The following PGBD1 variants were observed in gnomAD, a reference collection of about 807,000 sequenced individuals.
PGBD1 encodes the protein piggyBac transposable element derived 1.
A neutral mutation model predicts 34.7 loss-of-function variants in PGBD1; 25 were observed. That is an observed-to-expected ratio of 0.72 (90% CI 0.52 to 1.00). The LOEUF is 1.00. Among genes scored for constraint, PGBD1 ranks in the 50% least tolerant of loss-of-function variants. The probability of loss-of-function intolerance (pLI) is 0.00; values close to 1 mark genes in which losing one functional copy is unlikely to be tolerated. For missense variants in PGBD1, 830 were observed against 959.4 expected (o/e 0.87, Z 1.78); for synonymous variants, 292 against 335.7 (o/e 0.87, Z 1.42).
chr6:28,284,179 A>C lies in PGBD1; in HGVS notation c.366A>C (p.Leu122=), dbSNP rs139734956. 219 of 1,569,552 alleles carry C rather than the reference A, an allele frequency of 1.4e-4. No individual in the cohort carries two copies. The highest frequency in any genetic ancestry group is 5.2e-4 in the Middle Eastern group (3 of 5,818). Residue 122 remains leucine, a synonymous_variant, in exon 2 of 7, where the codon CTA becomes CTC. Transcript: ENST00000682144. ...GEEAVTVLEN[L]ETGSGDTGQQ... ...AGGCAGTGACAGTGCTGGAGAATCT[A>C]GAGACAGGAAGTGGAGACACAGGAC...
At position 28,301,972 on chromosome 6, in the gene PGBD1, A is replaced by C. The variant is rs764769956; in HGVS notation, c.2118A>C (p.Pro706=). ...SLCSNAVGIE[P]VNEVSCCDAD... The stretch of plus-strand genomic sequence containing the variant: ...GCTCCAATGCTGTGGGCATAGAACC[A>C]GTCAATGAGGTAAGCTGTTGTGATG... Residue 706 remains proline, a synonymous_variant, in exon 7 of 7, where the codon CCA becomes CCC. Transcript: ENST00000682144. 1 of 1,614,222 alleles carries C rather than the reference A, an allele frequency of 6.2e-7. No individual in the cohort carries two copies. The highest frequency in any genetic ancestry group is 8.5e-7 in the Non-Finnish European group (1 of 1,180,030).
At chr6:28,284,338 A>T (rs367649973) in intron 2 of PGBD1, 129 bp downstream of exon 2, 90 of 1,093,182 alleles carry the variant, frequency 8.2e-5, no homozygotes, top group Non-Finnish European at 1.1e-4. Context: ...ACTCCCGTAA[A>T]ACTCTTCATC....
chr6:28,296,357 T>C (rs577275247), intron 4 of PGBD1, among the ~76,000 whole-genome samples: 3 of 152,360 alleles, frequency 2.0e-5, no homozygotes, highest in Admixed American at 6.5e-5. Flanking sequence ...TGCTGTAAAA[T>C]AGTGTGTAGA....
In PGBD1 at chr6:28,296,841, C is replaced by T. The variant is rs113099438; in HGVS notation, c.668C>T (p.Thr223Ile). 1.4e-3 allele frequency: 2,240 copies of T among 1,614,124 alleles called. 26 individuals are homozygous for T. The African/African-American group carries it at 0.026, about 19-fold the overall frequency. ...ACATTGGTGAAGACTGAGGAAGAAA[C>T]AGCCCAGGCCGTTGCTGCAGAGAAG... Reference protein sequence around the residue: ...SQTLVKTEEETAQAVAAEKWS... With the variant: ...SQTLVKTEEEIAQAVAAEKWS... Residue 223 changes from threonine to isoleucine, a missense_variant, in exon 5 of 7, where the codon ACA (threonine) becomes ATA (isoleucine). By Grantham distance (89) the Thr-to-Ile change is moderately conservative. This residue lies in a region of PGBD1 where 457 missense variants were observed against 515.4 expected (regional missense o/e 0.89). Transcript: ENST00000682144.
chr6:28,284,636 T>C (rs1421511177), intron 2 of PGBD1, among the ~76,000 whole-genome samples: 1 of 152,196 alleles, frequency 6.6e-6, no homozygotes, highest in Non-Finnish European at 1.5e-5. Flanking sequence ...CACCTCAGGC[T>C]CCTGAGTAGA....
At position 28,301,397 on chromosome 6, in the gene PGBD1, C is replaced by G. The variant is rs759366713; in HGVS notation, c.1543C>G (p.Gln515Glu). Reference sequence around the variant, plus strand: ...CTTTGCAGATAATGGCCACCTAGATCAAAAAGATAAGTTTACAAAGTTGAG... The same window carrying G: ...CTTTGCAGATAATGGCCACCTAGATGAAAAAGATAAGTTTACAAAGTTGAG... ...LHFADNGHLD[Q>E]KDKFTKLRPL... is the part of the protein sequence containing the mutation. Residue 515 changes from glutamine to glutamate, a missense_variant, in exon 7 of 7, where the codon CAA (glutamine) becomes GAA (glutamate). Gln to Glu is a conservative substitution (Grantham distance 29, BLOSUM62 2). Coordinates refer to ENST00000682144, the MANE Select transcript of PGBD1 (RefSeq NM_032507.4). 1 of 1,613,924 alleles carries G rather than the reference C, an allele frequency of 6.2e-7. No homozygotes were observed. The highest frequency in any genetic ancestry group is 8.5e-7 in the Non-Finnish European group (1 of 1,179,966).
chr6:28,284,273 T>G, intron 2 of PGBD1, 64 bp downstream of exon 2: 1 of 1,430,924 alleles, frequency 7.0e-7, no homozygotes, highest in Admixed American at 2.5e-5. Context: ...GGTTTATTTT[T>G]AACGTTTTAT....
chr6:28,296,866 G>A lies in PGBD1; in HGVS notation c.693G>A (p.Lys231=), dbSNP rs779650762. 1.2e-6 allele frequency: 2 copies of A among 1,614,198 alleles called. No individual in the cohort carries two copies. The highest frequency in any genetic ancestry group is 1.1e-5 in the South Asian group (1 of 91,088). Residue 231 remains lysine (K), a synonymous_variant, in exon 5 of 7, where the codon AAG becomes AAA. Transcript: ENST00000682144. ...EETAQAVAAE[K]WSHLSLTRRN... is the part of the protein sequence containing the mutation. Reference sequence around the variant, plus strand: ...CAGCCCAGGCCGTTGCTGCAGAGAAGTGGTCACATCTGAGTCTGACTCGGA... The same window carrying A: ...CAGCCCAGGCCGTTGCTGCAGAGAAATGGTCACATCTGAGTCTGACTCGGA...
chr6:28,283,813 C>A lies in PGBD1; in HGVS notation c.-1C>A. 6.3e-7 allele frequency: 1 copy of A among 1,582,626 alleles called. No homozygotes were observed. The highest frequency in any genetic ancestry group is 8.6e-7 in the Non-Finnish European group (1 of 1,160,482). ...GTGAAGCTTTAGCCTCTAAGCTCAA[C>A]ATGTATGAAGCTTTGCCAGGCCCTG... On this transcript the variant is annotated 5_prime_UTR_variant, in exon 2 of 7. Transcript: ENST00000682144.
chr6:28,293,555 C>T (rs980071783), intron 4 of PGBD1, among the ~76,000 whole-genome samples: 8 of 152,340 alleles, frequency 5.3e-5, no homozygotes, highest in South Asian at 2.1e-4. Context: ...ACAGCATGTG[C>T]TCACTTTGTG....
At chr6:28,296,532 A>G (rs1762638616) in intron 4 of PGBD1, among the ~76,000 whole-genome samples, 1 of 152,208 alleles carries the variant, frequency 6.6e-6, no homozygotes, top group Admixed American at 6.5e-5. Flanking sequence ...GGTTTGGTTC[A>G]GGAGGACACT....
chr6:28,297,103 C>T (rs1762669128), intron 5 of PGBD1, among the ~76,000 whole-genome samples, 158 bp downstream of exon 5: 1 of 152,240 alleles, frequency 6.6e-6, no homozygotes, highest in African/African-American at 2.4e-5. Flanking sequence ...TATCACTTTG[C>T]ATCCTTCCCA....
chr6:28,296,672 A>G (rs1762644214), intron 4 of PGBD1, 144 bp from the exon 5 acceptor site: 1 of 859,282 alleles, frequency 1.2e-6, no homozygotes, highest in Non-Finnish European at 1.8e-6. Context: ...CTTCATTGTT[A>G]TAACCAGAAA....
rs371201592 is a variant in PGBD1, at chr6:28,296,775, T to C, written c.643-41T>C. ...CCCTTCACAACTGGATTCCTTACCATGTGAAAACAAAGAGGCTATTTTCTT... is the reference window on the plus strand; with the variant it reads ...CCCTTCACAACTGGATTCCTTACCACGTGAAAACAAAGAGGCTATTTTCTT... On this transcript the variant is annotated intron_variant, in intron 4 of 6. Coordinates refer to ENST00000682144, the MANE Select transcript of PGBD1 (RefSeq NM_032507.4). The C allele has an allele frequency of 7.5e-6, 12 of 1,610,100 alleles. No homozygotes were observed. In the African/African-American group the frequency reaches 1.2e-4, roughly 16 times the overall value.
chr6:28,284,332 C>G (rs1304148819), intron 2 of PGBD1, 123 bp downstream of exon 2: 2 of 1,131,402 alleles, frequency 1.8e-6, no homozygotes, highest in South Asian at 4.5e-5. Flanking sequence ...TAGAGAACTC[C>G]CGTAAAACTC....
intron 2 of PGBD1, 140 bp downstream of exon 2, chr6:28,284,349 C>T: frequency 1.0e-6 from 1 of 1,004,660 alleles, no homozygotes; most frequent in Non-Finnish European, 1.4e-6. Flanking sequence ...ACTCTTCATC[C>T]AAATTTGCCA....
chr6:28,299,780 A>G (rs150494015), intron 6 of PGBD1, among the ~76,000 whole-genome samples: 1,564 of 152,234 alleles, frequency 0.01, 11 homozygotes, highest in Middle Eastern at 0.02. Context: ...AGGTGAGTGG[A>G]TCACGAGGTC....
chr6:28,292,944 TTTTCTTTTTC>T (rs2113750911), intron 4 of PGBD1, among the ~76,000 whole-genome samples: 1 of 152,174 alleles, frequency 6.6e-6, no homozygotes, highest in South Asian at 2.1e-4. Context: ...TTTTCTTTTC[TTTTCTTTTTC>T]TTTCTTTTTG....
Position 28,300,729 on chromosome 6 carries a change from G to A in PGBD1, c.875G>A (p.Cys292Tyr), listed in dbSNP as rs1762802212. Residue 292 changes from cysteine to tyrosine, a missense_variant, in exon 7 of 7, where the codon TGT becomes TAT. Cys to Tyr is a radical substitution (Grantham distance 194, BLOSUM62 -2). This residue lies in a region of PGBD1 where 457 missense variants were observed against 515.4 expected (regional missense o/e 0.89). Coordinates refer to ENST00000682144, the MANE Select transcript of PGBD1 (RefSeq NM_032507.4). The surrounding 1 kb of genome is among the most constrained non-coding windows in gnomAD (Gnocchi z 4.0). ...GEASGKPNRE[C>Y]APQIPCSTPI... ...GTTCTTTTTTTCTTTCCCAGAGAGT[G>A]TGCACCCCAGATTCCTTGTAGTACT... 4 of 1,605,970 alleles carry A rather than the reference G, an allele frequency of 2.5e-6. No individual in the cohort carries two copies. The highest frequency in any genetic ancestry group is 2.2e-5 in the East Asian group (1 of 44,794).
Sources: allele counts gnomAD v4.1 joint callset (sites outside exome capture counted in the v4.1 genomes callset), GRCh38; gene constraint gnomAD v4.1.1; regional missense constraint gnomAD v4.1.1; non-coding constraint Gnocchi (gnomAD v3.1); transcripts MANE v1.5; gene names NCBI Gene and HGNC (gene_info 2026-07-23, HGNC 2026-07-21).